Variants in EPS8L3 observed in about 807,000 individuals in gnomAD.
EPS8L3 encodes EPS8 signaling adaptor L3, also known as epidermal growth factor receptor kinase substrate 8-like protein 3.
A neutral mutation model predicts 88.5 loss-of-function variants in EPS8L3; 80 were observed. The observed-to-expected ratio is 0.90, with a 90% confidence interval of 0.75 to 1.09. EPS8L3 has a LOEUF of 1.09. Ranked by LOEUF, EPS8L3 falls within the 50% of genes least tolerant of loss-of-function variation. The pLI is 0.00. For synonymous variants in EPS8L3, 286 were observed against 291.0 expected (o/e 0.98, Z 0.18); for missense variants, 721 against 735.2 (o/e 0.98, Z 0.22).
chr1:109,753,026 A>G, intron 13 of EPS8L3, 91 bp downstream of exon 13: 4 of 1,178,930 alleles, frequency 3.4e-6, no homozygotes, highest in Non-Finnish European at 5.0e-6. Context: ...GTTAGGTCAC[A>G]CTAGTTGTGT....
At chr1:109,761,192 G>T (rs536358187) in intron 3 of EPS8L3, 23 of 329,290 alleles carry the variant, frequency 7.0e-5, no homozygotes, top group African/African-American at 4.5e-4. Flanking sequence ...AGGTGGGTGG[G>T]TGGTTGTAGG....
chr1:109,750,618 C>T, intron 18 of EPS8L3, 42 bp downstream of exon 18: 1 of 1,613,174 alleles, frequency 6.2e-7, no homozygotes, highest in Non-Finnish European at 8.5e-7. Flanking sequence ...CCAGGAGCAC[C>T]AGACACTCCC....
Position 109,750,280 on chromosome 1 carries a change from G to A in EPS8L3, c.*111C>T. On this transcript the variant is annotated 3_prime_UTR_variant, in exon 19 of 19. Coordinates refer to ENST00000361965, the MANE Select transcript of EPS8L3 (RefSeq NM_133181.4). ...TTTTGCTGTGTGAGCTGGGGTGTGG[G>A]GTTTGCTGCAAACTGGGATCCAGAA... 1 of 1,319,340 alleles carries A rather than the reference G, an allele frequency of 7.6e-7. No individual in the cohort carries two copies. The highest frequency in any genetic ancestry group is 2.4e-5 in the East Asian group (1 of 41,048). 81.7% of individuals were successfully genotyped at this position (1,319,340 alleles called of 1,614,324 possible). A position where few individuals can be genotyped will look rare whatever the true frequency, so the allele number is the denominator to read the frequency against.
In EPS8L3 at chr1:109,757,820, C is replaced by T. The variant is rs768465485; in HGVS notation, c.876G>A (p.Lys292=). 6.2e-7 allele frequency: 1 copy of T among 1,613,996 alleles called. No individual in the cohort carries two copies. The highest frequency in any genetic ancestry group is 8.5e-7 in the Non-Finnish European group (1 of 1,179,998). The change falls in exon 10 of 19, where the codon AAG becomes AAA. Residue 292 remains lysine (K), a synonymous_variant. Coordinates refer to ENST00000361965, the MANE Select transcript of EPS8L3 (RefSeq NM_133181.4). ...CACCTACCAGGAGGTTGAAGCTGTG[C>T]TTGATCTTCTGGAAGCAGTCAATGT... ...AQYIDCFQKI[K]HSFNLLGRLA...
intron 6 of EPS8L3, 138 bp downstream of exon 6, chr1:109,758,924 C>T: frequency 1.0e-6 from 1 of 979,198 alleles, no homozygotes. Context: ...ATGCCCACCT[C>T]TGTCCTGGCT....
Position 109,757,861 on chromosome 1 carries a change from G to C in EPS8L3, c.835C>G (p.Leu279Val). The C allele has an allele frequency of 2.5e-6, 4 of 1,614,084 alleles. No homozygotes were observed. The highest frequency in any genetic ancestry group is 1.3e-5 in the African/African-American group (1 of 75,030). Reference protein sequence around the residue: ...FGKKNKDQGGLTQAQYIDCFQ... With the variant: ...FGKKNKDQGGVTQAQYIDCFQ... ...CAGTCAATGTACTGTGCCTGGGTGAGACCTGGGAGAAGGGGCCAAGACGGT... is the reference window on the plus strand; with the variant it reads ...CAGTCAATGTACTGTGCCTGGGTGACACCTGGGAGAAGGGGCCAAGACGGT... Residue 279 changes from leucine to valine, a missense_variant and splice_region_variant, in exon 10 of 19, where the codon CTC becomes GTC. Coordinates refer to ENST00000361965, the MANE Select transcript of EPS8L3 (RefSeq NM_133181.4).
chr1:109,759,849 G>A lies in EPS8L3; in HGVS notation c.97-13C>T, dbSNP rs761205474. 3.1e-6 allele frequency: 5 copies of A among 1,612,640 alleles called. No homozygotes were observed. The African/African-American group carries it at 5.3e-5, about 17-fold the overall frequency. On this transcript the variant is annotated splice_polypyrimidine_tract_variant and intron_variant, in intron 3 of 18. Transcript: ENST00000361965. This position sits in a 1 kb window ranked among gnomAD's most constrained non-coding sequence, Gnocchi z 4.2. Reference sequence around the variant, plus strand: ...ATGTCATCAAGTGCTGCAGGGAGAGGGGGAGTCCTAGGACTGGGAGAAAGC... The same window carrying A: ...ATGTCATCAAGTGCTGCAGGGAGAGAGGGAGTCCTAGGACTGGGAGAAAGC...
intron 16 of EPS8L3, 73 bp from the exon 17 acceptor site, chr1:109,751,424 C>A: frequency 6.7e-7 from 1 of 1,490,020 alleles, no homozygotes; most frequent in East Asian, 2.3e-5. Flanking sequence ...ACATCTGGGT[C>A]CCTTCTCCAG....
At chr1:109,761,100 G>A (rs1365697257) in intron 3 of EPS8L3, 2 of 185,028 alleles carry the variant, frequency 1.1e-5, no homozygotes, top group East Asian at 2.5e-4. Context: ...ACACACTCCT[G>A]CCTCCAGCCA....
chr1:109,762,479 T>C (rs1193285963), intron 1 of EPS8L3, among the ~76,000 whole-genome samples: 1 of 152,134 alleles, frequency 6.6e-6, no homozygotes, highest in Non-Finnish European at 1.5e-5. Flanking sequence ...AACCCCACCC[T>C]GCCCAGGGTA....
Position 109,757,059 on chromosome 1 carries a change from C to T in EPS8L3, c.1076G>A (p.Ser359Asn), listed in dbSNP as rs753763096. ...LLQSCLSPPESNLWMGLGPAW... is the reference protein window; with the variant it reads ...LLQSCLSPPENNLWMGLGPAW... ...TGGGCCCAACCCCATCCAAAGGTTA[C>T]TCTCAGGTGGGCTTAGACAGGACTG... The change falls in exon 12 of 19, where the codon AGT becomes AAT. Residue 359 changes from serine to asparagine, a missense_variant. Physicochemically the swap from Ser to Asn is conservative, Grantham distance 46 (BLOSUM62 1). Coordinates refer to ENST00000361965, the MANE Select transcript of EPS8L3 (RefSeq NM_133181.4). 6.2e-7 allele frequency: 1 copy of T among 1,614,190 alleles called. No individual in the cohort carries two copies. The highest frequency in any genetic ancestry group is 1.1e-5 in the South Asian group (1 of 91,080).
chr1:109,761,909 C>G lies in EPS8L3; in HGVS notation c.-24-136G>C. The G allele has an allele frequency of 5.7e-6, 4 of 700,650 alleles. No homozygotes were observed. The South Asian group carries it at 6.8e-5, about 12-fold the overall frequency. The allele number at this position is 700,650 out of a possible 1,614,324, so 43.4% of individuals were successfully genotyped here. ...CCCAAAGCCCCTGGCTCCAGGGGCC[C>G]TTTCCGGAGCCATCTGCAGCCAGCG... is the stretch of plus-strand genomic sequence containing the variant. On this transcript the variant is annotated intron_variant, in intron 1 of 18. Transcript: ENST00000361965.
At chr1:109,752,583 A>G in intron 14 of EPS8L3, 103 bp downstream of exon 14, 1 of 1,090,304 alleles carries the variant, frequency 9.2e-7, no homozygotes, top group Non-Finnish European at 1.4e-6. Flanking sequence ...GCTAAAAGAG[A>G]CCCTCTTGGC....
chr1:109,757,931 C>G lies in EPS8L3; in HGVS notation c.832+13G>C. 1 of 1,613,896 alleles carries G rather than the reference C, an allele frequency of 6.2e-7. No homozygotes were observed. The highest frequency in any genetic ancestry group is 8.5e-7 in the Non-Finnish European group (1 of 1,179,762). On this transcript the variant is annotated intron_variant, in intron 9 of 18. Transcript: ENST00000361965. ...GACACCCCTACTCCTCTTCCCTGGC[C>G]CTCAGTACTCACCTCCCTGGTCCTT...
At chr1:109,760,541 C>T (rs753748845) in intron 3 of EPS8L3, among the ~76,000 whole-genome samples, 4 of 150,296 alleles carry the variant, frequency 2.7e-5, no homozygotes, top group Non-Finnish European at 5.9e-5. Flanking sequence ...TCCCTGTGTT[C>T]GCACTGCCAG....
rs35072794 is a variant in EPS8L3, at chr1:109,750,688, C to T, written c.1742G>A (p.Arg581Gln). ...CAGCATCCTTCTGACAGCCTCCAGC[C>T]GGGACAGGATTCGTGGGGCCTCCTG... ...CPQEAPRILS[R>Q]LEAVRRMLGI... is the part of the protein sequence containing the mutation. Residue 581 changes from arginine to glutamine, a missense_variant, in exon 18 of 19, where the codon CGG (arginine) becomes CAG (glutamine). Physicochemically the swap from Arg to Gln is conservative, Grantham distance 43. Coordinates refer to ENST00000361965, the MANE Select transcript of EPS8L3 (RefSeq NM_133181.4). 0.012 allele frequency: 19,012 copies of T among 1,614,144 alleles called. 1,676 individuals carry two copies. In the African/African-American group the frequency reaches 0.21, roughly 17 times the overall value.
chr1:109,751,874 C>T (rs1649828761), intron 15 of EPS8L3, 92 bp from the exon 16 acceptor site: 5 of 1,579,350 alleles, frequency 3.2e-6, no homozygotes, highest in Non-Finnish European at 4.3e-6. Context: ...TCTTTCCTAC[C>T]CTCCTTCTCC....
chr1:109,761,922 TCTG>T (rs1371827588), intron 1 of EPS8L3, 149 bp from the exon 2 acceptor site: 1 of 652,476 alleles, frequency 1.5e-6, no homozygotes, highest in Non-Finnish European at 2.7e-6. Context: ...TCCGGAGCCA[TCTG>T]CAGCCAGCGT....
At chr1:109,755,602 C>T (rs972767857) in intron 12 of EPS8L3, among the ~76,000 whole-genome samples, 2 of 152,044 alleles carry the variant, frequency 1.3e-5, no homozygotes, top group African/African-American at 4.8e-5. Flanking sequence ...CTCAGGAGTT[C>T]AAGACCAGCC....
Sources: allele counts gnomAD v4.1 joint callset (sites outside exome capture counted in the v4.1 genomes callset), GRCh38; gene constraint gnomAD v4.1.1; non-coding constraint Gnocchi (gnomAD v3.1); transcripts MANE v1.5; gene names NCBI Gene and HGNC (gene_info 2026-07-23, HGNC 2026-07-21).